The following KIF16B variants were observed in gnomAD, a reference collection of about 807,000 sequenced individuals.
KIF16B encodes kinesin-like protein KIF16B.
In KIF16B, 98 loss-of-function variants were observed where a neutral mutation model predicts 156.3. The ratio of observed to expected loss-of-function variants is 0.63; its 90% CI spans 0.53 to 0.74. The LOEUF (loss-of-function observed/expected upper bound fraction) is 0.74, where lower values mean the gene tolerates loss of function less well. Ranked by LOEUF, KIF16B falls within the 30% of genes least tolerant of loss-of-function variation. KIF16B has a pLI of 0.00. For missense variants in KIF16B, 1,421 were observed against 1,606.5 expected (o/e 0.88, Z 1.97); for synonymous variants, 564 against 583.7 (o/e 0.97, Z 0.49).
At chr20:16,301,792 G>T (rs762105464) in intron 25 of KIF16B, among the ~76,000 whole-genome samples, 2 of 152,054 alleles carry the variant, frequency 1.3e-5, no homozygotes, top group Non-Finnish European at 2.9e-5. Context: ...TGGGATTACA[G>T]GCATGCACCA....
intron 17 of KIF16B, among the ~76,000 whole-genome samples, chr20:16,396,854 G>A (rs925960566): frequency 6.6e-6 from 1 of 151,988 alleles, no homozygotes; most frequent in Non-Finnish European, 1.5e-5. Context: ...TGCACTCCTT[G>A]GGATGATGCT....
chr20:16,385,791 G>A (rs1031790510), intron 17 of KIF16B, among the ~76,000 whole-genome samples: 1 of 152,108 alleles, frequency 6.6e-6, no homozygotes, highest in African/African-American at 2.4e-5. Context: ...AACAACCACG[G>A]GGGACTCACT....
intron 12 of KIF16B, among the ~76,000 whole-genome samples, chr20:16,467,272 T>C (rs1337671025): frequency 6.6e-6 from 1 of 152,134 alleles, no homozygotes; most frequent in Non-Finnish European, 1.5e-5. Context: ...TGAGACCTAA[T>C]CATAGGACTA....
At chr20:16,368,514 G>A in intron 22 of KIF16B, 1 of 986,138 alleles carries the variant, frequency 1.0e-6, no homozygotes, top group South Asian at 4.7e-5. Flanking sequence ...CCACAAGCCT[G>A]GCTTGGCTGA....
In KIF16B at chr20:16,505,708, C is replaced by T. The variant is rs374709574; in HGVS notation, c.1000+14G>A. The stretch of plus-strand genomic sequence containing the variant: ...AAATATTGTATGCTCAGAAAAGTAA[C>T]TTAAAACTCTTACTGGCAATCATGA... On this transcript the variant is annotated intron_variant, in intron 9 of 25. Coordinates refer to ENST00000354981, the MANE Select transcript of KIF16B (RefSeq NM_024704.5). 93 of 1,609,150 alleles carry T rather than the reference C, an allele frequency of 5.8e-5. No homozygotes were observed. In the African/African-American group the frequency reaches 1.1e-3, roughly 20 times the overall value.
chr20:16,433,580 GACACACAC>G (rs11469019), intron 12 of KIF16B, among the ~76,000 whole-genome samples: 1 of 150,746 alleles, frequency 6.6e-6, no homozygotes, highest in Admixed American at 6.6e-5. Flanking sequence ...CCAGCATGTA[GACACACAC>G]ACACACACAC....
intron 12 of KIF16B, among the ~76,000 whole-genome samples, chr20:16,460,057 C>T (rs1485768134): frequency 6.6e-6 from 1 of 152,132 alleles, no homozygotes; most frequent in Admixed American, 6.5e-5. Context: ...ACAGAAATTT[C>T]AAATTGTTTT....
At chr20:16,348,027 T>TC (rs1390825973) in intron 23 of KIF16B, among the ~76,000 whole-genome samples, 1 of 152,224 alleles carries the variant, frequency 6.6e-6, no homozygotes, top group Non-Finnish European at 1.5e-5. Context: ...TCTAGGCATT[T>TC]CTTCTTCATG....
chr20:16,416,928 T>C (rs574980128), intron 15 of KIF16B, among the ~76,000 whole-genome samples: 1 of 152,082 alleles, frequency 6.6e-6, no homozygotes, highest in East Asian at 1.9e-4. Context: ...GAGAGTCCCT[T>C]AGCAGCAACA....
At chr20:16,415,612 A>G (rs1291060037) in intron 15 of KIF16B, among the ~76,000 whole-genome samples, 1 of 152,102 alleles carries the variant, frequency 6.6e-6, no homozygotes, top group Non-Finnish European at 1.5e-5. Context: ...AGACCTGCCC[A>G]TGACTCAGAC....
chr20:16,472,725 C>T (rs1446322763), intron 12 of KIF16B, among the ~76,000 whole-genome samples: 2 of 152,142 alleles, frequency 1.3e-5, no homozygotes, highest in East Asian at 3.9e-4. Context: ...ACACTGTGTT[C>T]AGAGAACAAA....
intron 1 of KIF16B, among the ~76,000 whole-genome samples, chr20:16,545,904 CA>C (rs374839647): frequency 2.0e-3 from 274 of 134,552 alleles, no homozygotes; most frequent in Non-Finnish European, 2.5e-3. Context: ...TGGCAGCTTA[CA>C]AAAAAAAAAA....
At position 16,504,438 on chromosome 20, in the gene KIF16B, G is replaced by A; in HGVS notation, c.1110C>T (p.Val370=). 6.2e-7 allele frequency: 1 copy of A among 1,614,132 alleles called. No homozygotes were observed. Among genetic ancestry groups the A allele is most frequent in the Non-Finnish European group, 8.5e-7 (1 of 1,179,996 alleles). Residue 370 remains valine, a synonymous_variant, in exon 10 of 26, where the codon GTC becomes GTT. Transcript: ENST00000354981. ...CAGCTCGCAGCTCACGGATAAGTTT[G>A]ACGTTGGCATCCTCATTAATGGTAG... ...NKPTINEDAN[V]KLIRELRAEI...
chr20:16,381,528 C>CA (rs11306679), intron 18 of KIF16B, among the ~76,000 whole-genome samples, 166 bp downstream of exon 18: 349 of 122,740 alleles, frequency 2.8e-3, no homozygotes, highest in South Asian at 0.012. Context: ...CCATCTACTC[C>CA]AAAAAAAAAA....
intron 1 of KIF16B, among the ~76,000 whole-genome samples, chr20:16,563,680 ACT>A (rs2071150475): frequency 6.6e-6 from 1 of 151,778 alleles, no homozygotes; most frequent in Non-Finnish European, 1.5e-5. Context: ...CTGCCACTCC[ACT>A]CTCTCCCACT....
At chr20:16,549,492 A>G (rs1600678265) in intron 1 of KIF16B, among the ~76,000 whole-genome samples, 4 of 152,016 alleles carry the variant, frequency 2.6e-5, no homozygotes, top group Admixed American at 2.6e-4. Context: ...ATAATGCCGC[A>G]ATAAACATAC....
intron 1 of KIF16B, among the ~76,000 whole-genome samples, chr20:16,552,569 C>G (rs985260149): frequency 6.6e-6 from 1 of 152,134 alleles, no homozygotes; most frequent in Non-Finnish European, 1.5e-5. Flanking sequence ...CCATGGGCTT[C>G]CACAGCACCA....
intron 1 of KIF16B, among the ~76,000 whole-genome samples, chr20:16,565,538 C>T (rs561254574): frequency 5.3e-5 from 8 of 152,266 alleles, no homozygotes; most frequent in African/African-American, 1.9e-4. Flanking sequence ...TCAACTTGCC[C>T]AGTCACTCGG....
intron 23 of KIF16B, among the ~76,000 whole-genome samples, chr20:16,341,084 A>G (rs2064132792): frequency 6.6e-6 from 1 of 152,050 alleles, no homozygotes; most frequent in African/African-American, 2.4e-5. Flanking sequence ...AGCTGGGAGG[A>G]GAAAGAAAGA....
Sources: gnomAD v4.1 joint callset for allele counts (sites outside exome capture counted in the v4.1 genomes callset) on GRCh38, gnomAD v4.1.1 for gene constraint, MANE v1.5 for transcripts, NCBI Gene and HGNC (gene_info 2026-07-23, HGNC 2026-07-21) for gene names.